The following ZMAT4 variants were observed in gnomAD, a reference collection of about 807,000 sequenced individuals.
ZMAT4 encodes the protein zinc finger matrin-type 4, also known as zinc finger matrin-type protein 4.
In ZMAT4, 17 loss-of-function variants were observed where a neutral mutation model predicts 28.7. That is an observed-to-expected ratio of 0.59 (90% CI 0.41 to 0.89). ZMAT4 has a LOEUF of 0.89. Ranked by LOEUF, ZMAT4 falls within the 40% of genes least tolerant of loss-of-function variation. The probability of loss-of-function intolerance (pLI) is 0.00; values close to 1 mark genes in which losing one functional copy is unlikely to be tolerated. For synonymous variants in ZMAT4, 117 were observed against 109.2 expected (o/e 1.07, Z -0.44); for missense variants, 240 against 283.8 (o/e 0.85, Z 1.11).
chr8:40,665,075 G>A (rs1808349807), intron 5 of ZMAT4, among the ~76,000 whole-genome samples: 1 of 152,114 alleles, frequency 6.6e-6, no homozygotes, highest in Admixed American at 6.6e-5. Flanking sequence ...GCGTGGTGGT[G>A]GGCACCTGTA....
chr8:40,740,384 A>G (rs1480824949), intron 3 of ZMAT4, among the ~76,000 whole-genome samples: 1 of 152,186 alleles, frequency 6.6e-6, no homozygotes, highest in Non-Finnish European at 1.5e-5. Flanking sequence ...ACAAAATAAC[A>G]TTTTTAAATG....
intron 5 of ZMAT4, among the ~76,000 whole-genome samples, chr8:40,654,494 A>G (rs946128501): frequency 2.6e-5 from 4 of 152,170 alleles, no homozygotes; most frequent in African/African-American, 7.2e-5. Context: ...AACACCATAT[A>G]AAGTCATCAC....
intron 6 of ZMAT4, among the ~76,000 whole-genome samples, chr8:40,544,922 G>A (rs558672854): frequency 4.5e-4 from 68 of 152,268 alleles, no homozygotes; most frequent in South Asian, 4.4e-3. Context: ...TGTAGGCTGG[G>A]TCTGATGACC....
intron 4 of ZMAT4, among the ~76,000 whole-genome samples, chr8:40,678,422 C>T (rs996614851): frequency 2.0e-5 from 3 of 152,188 alleles, no homozygotes; most frequent in African/African-American, 7.2e-5. Flanking sequence ...AAGCTATTAT[C>T]CCACCAGCCT....
At chr8:40,771,214 TAC>T (rs1813377298) in intron 2 of ZMAT4, among the ~76,000 whole-genome samples, 2 of 150,982 alleles carry the variant, frequency 1.3e-5, no homozygotes, top group Admixed American at 6.6e-5. Context: ...ATTATATATA[TAC>T]ATATATATGT....
At chr8:40,796,235 C>T (rs994414017) in intron 2 of ZMAT4, among the ~76,000 whole-genome samples, 1 of 152,196 alleles carries the variant, frequency 6.6e-6, no homozygotes, top group African/African-American at 2.4e-5. Context: ...AGAGGCTCCC[C>T]AGGGAGAGGA....
At chr8:40,821,466 T>C (rs761477556) in intron 2 of ZMAT4, among the ~76,000 whole-genome samples, 3 of 152,158 alleles carry the variant, frequency 2.0e-5, no homozygotes, top group Non-Finnish European at 2.9e-5. Context: ...GCCTCTATGT[T>C]CCCTATTTTT....
At chr8:40,764,830 T>G (rs1018373995) in intron 3 of ZMAT4, among the ~76,000 whole-genome samples, 1 of 151,976 alleles carries the variant, frequency 6.6e-6, no homozygotes, top group Non-Finnish European at 1.5e-5. Context: ...CCTTCGATAT[T>G]ATTATTATTA....
At chr8:40,807,397 T>C (rs545585094) in intron 2 of ZMAT4, among the ~76,000 whole-genome samples, 3 of 152,188 alleles carry the variant, frequency 2.0e-5, no homozygotes, top group East Asian at 3.9e-4. Flanking sequence ...TGAGCTGAGA[T>C]TGTGCCACTG....
At chr8:40,620,576 G>A (rs1282710682) in intron 5 of ZMAT4, among the ~76,000 whole-genome samples, 1 of 152,162 alleles carries the variant, frequency 6.6e-6, no homozygotes, top group African/African-American at 2.4e-5. Flanking sequence ...ATTTTGAGAT[G>A]CTCTCGATGT....
At chr8:40,735,667 TC>T (rs1460898547) in intron 3 of ZMAT4, among the ~76,000 whole-genome samples, 1 of 152,182 alleles carries the variant, frequency 6.6e-6, no homozygotes, top group Non-Finnish European at 1.5e-5. Context: ...GAAGGGACAT[TC>T]CTATAGCTGG....
chr8:40,796,223 C>T (rs1443426704), intron 2 of ZMAT4, among the ~76,000 whole-genome samples: 2 of 152,172 alleles, frequency 1.3e-5, no homozygotes, highest in African/African-American at 4.8e-5. Context: ...CAGCAGGCTC[C>T]AAGAGGCTCC....
chr8:40,870,544 T>C (rs1421427734), intron 1 of ZMAT4, among the ~76,000 whole-genome samples: 2 of 152,200 alleles, frequency 1.3e-5, no homozygotes, highest in Non-Finnish European at 2.9e-5. Context: ...AGATTATCCT[T>C]CCCTAGAAGT....
At chr8:40,740,127 T>G (rs915483260) in intron 3 of ZMAT4, among the ~76,000 whole-genome samples, 30 of 152,170 alleles carry the variant, frequency 2.0e-4, no homozygotes, top group Non-Finnish European at 7.3e-5. Context: ...GTCTTTAGAG[T>G]AGAATGATTT....
chr8:40,537,896 G>T (rs1802898337), intron 6 of ZMAT4, among the ~76,000 whole-genome samples: 1 of 152,118 alleles, frequency 6.6e-6, no homozygotes, highest in Non-Finnish European at 1.5e-5. Flanking sequence ...TACTTTGGGG[G>T]TTCTGGCTAC....
chr8:40,663,740 G>A (rs1023679384), intron 5 of ZMAT4, among the ~76,000 whole-genome samples: 1 of 152,126 alleles, frequency 6.6e-6, no homozygotes, highest in South Asian at 2.1e-4. Context: ...TGTAATCTAA[G>A]CTGAGTATTT....
At chr8:40,839,461 T>C (rs1216402979) in intron 1 of ZMAT4, among the ~76,000 whole-genome samples, 1 of 152,148 alleles carries the variant, frequency 6.6e-6, no homozygotes, top group African/African-American at 2.4e-5. Flanking sequence ...CTAGCTACAA[T>C]CCCACCACCA....
intron 2 of ZMAT4, among the ~76,000 whole-genome samples, chr8:40,779,788 G>A (rs1291465196): frequency 6.6e-6 from 1 of 152,154 alleles, no homozygotes; most frequent in Admixed American, 6.5e-5. Context: ...CAGATTGGCA[G>A]GAAAAGAAAC....
chr8:40,554,366 A>G (rs909080198), intron 6 of ZMAT4, among the ~76,000 whole-genome samples: 2 of 150,814 alleles, frequency 1.3e-5, no homozygotes, highest in African/African-American at 4.8e-5. Flanking sequence ...AACTAAGTTA[A>G]TTAGTTAATT....
Sources: allele counts gnomAD v4.1 joint callset (sites outside exome capture counted in the v4.1 genomes callset), GRCh38; gene constraint gnomAD v4.1.1; transcripts MANE v1.5; gene names NCBI Gene and HGNC (gene_info 2026-07-23, HGNC 2026-07-21).